Variants in PGAP1 observed in about 807,000 individuals in gnomAD.
The protein encoded by PGAP1 is GPI inositol-deacylase.
A neutral mutation model predicts 127.0 loss-of-function variants in PGAP1; 76 were observed. The ratio of observed to expected loss-of-function variants is 0.60; its 90% CI spans 0.50 to 0.72. The LOEUF (loss-of-function observed/expected upper bound fraction) is 0.72. Among genes scored for constraint, PGAP1 ranks in the 30% least tolerant of loss-of-function variants. PGAP1 has a pLI of 0.00. For synonymous variants in PGAP1, 362 were observed against 366.5 expected, an observed-to-expected ratio of 0.99 and a Z score of 0.14; for missense variants, 982 against 1,071.3, an observed-to-expected ratio of 0.92 and a Z score of 1.16.
At chr2:196,895,075 T>C (rs1039635030) in intron 7 of PGAP1, among the ~76,000 whole-genome samples, 9 of 152,228 alleles carry the variant, frequency 5.9e-5, no homozygotes, top group Non-Finnish European at 8.8e-5. Context: ...TATTTTCTAC[T>C]ATTTAGTCCA....
rs866554530 is a variant in PGAP1, at chr2:196,834,270, A to G, written c.*6964T>C. ...AAGTCTACTTTAATTCAAAATGAGA[A>G]CTCTGAAAATTAAGGGAGGCCTCTA... On this transcript the variant is annotated 3_prime_UTR_variant, in exon 27 of 27. Transcript: ENST00000354764. 1.8e-4 allele frequency: 27 copies of G among 152,190 alleles called. No homozygotes were observed. Among genetic ancestry groups the G allele is most frequent in the African/African-American group, 6.3e-4 (26 of 41,434 alleles). 9.4% of individuals were successfully genotyped at this position (152,190 alleles called of 1,614,324 possible).
intron 23 of PGAP1, 112 bp from the exon 24 acceptor site, chr2:196,844,686 C>T (rs1157915580): frequency 2.6e-4 from 175 of 676,554 alleles, no homozygotes; most frequent in Non-Finnish European, 7.2e-6. Flanking sequence ...AAAATGTAAA[C>T]CAAAAAGTCA....
intron 14 of PGAP1, 32 bp from the exon 15 acceptor site, chr2:196,873,790 A>G (rs199862168): frequency 2.8e-6 from 4 of 1,433,506 alleles, no homozygotes; most frequent in Non-Finnish European, 3.9e-6. Context: ...ATTACTTAGA[A>G]TATCAAGGAA....
In PGAP1 at chr2:196,834,240, A is replaced by T. The variant is rs993986834; in HGVS notation, c.*6994T>A. ...CAAACCTAATTTTCTACATCTATGT[A>T]GCGTAAGTCTACTTTAATTCAAAAT... On this transcript the variant is annotated 3_prime_UTR_variant, in exon 27 of 27. Transcript: ENST00000354764. The T allele has an allele frequency of 2.0e-5, 3 of 152,158 alleles. No individual in the cohort carries two copies. Among genetic ancestry groups the T allele is most frequent in the Non-Finnish European group, 4.4e-5 (3 of 67,940 alleles). 9.4% of individuals were successfully genotyped at this position (152,158 alleles called of 1,614,324 possible). A position where few individuals can be genotyped will look rare whatever the true frequency, so the allele number is the denominator to read the frequency against.
chr2:196,881,835 A>G (rs764426045), intron 12 of PGAP1, among the ~76,000 whole-genome samples: 1 of 152,202 alleles, frequency 6.6e-6, no homozygotes, highest in Non-Finnish European at 1.5e-5. Flanking sequence ...CTCTGTTGAT[A>G]GTTTCCTTTG....
rs1345152967 is a variant in PGAP1 at position 196,842,824 on chromosome 2, A to T, written c.2527T>A (p.Tyr843Asn). The change falls in exon 26 of 27, where the codon TAT becomes AAT. Residue 843 changes from tyrosine (Y) to asparagine (N), a missense_variant and splice_region_variant. Physicochemically the swap from Tyr to Asn is moderately radical, Grantham distance 143. Transcript: ENST00000354764. ...SLIYWLKNLR[Y>N]YFKLNPDPCK... ...GGATCAGGATTAAGTTTAAAATAAT[A>T]CCTATAATATTAAAAAAAGAAACCC... 7.0e-7 allele frequency: 1 copy of T among 1,428,108 alleles called. No homozygotes were observed. Among genetic ancestry groups the T allele is most frequent in the East Asian group, 2.3e-5 (1 of 42,776 alleles). 88.5% of individuals were successfully genotyped at this position (1,428,108 alleles called of 1,614,324 possible).
At position 196,863,427 on chromosome 2, in the gene PGAP1, G is replaced by T. The variant is rs145331501; in HGVS notation, c.1861+1560C>A. Among the ~76,000 whole-genome samples the T allele has an allele frequency of 4.1e-3, 622 of 152,240 alleles. 5 individuals are homozygous for T. Among genetic ancestry groups the T allele is most frequent in the Middle Eastern group, 6.8e-3 (2 of 294 alleles). ...AAATTCTATCATCTGCAGCAACATG[G>T]ATATAACTGAAGTACATTATGCTAA... On this transcript the variant is annotated intron_variant, in intron 20 of 26. Transcript: ENST00000354764.
At chr2:196,873,639 A>G in intron 15 of PGAP1, 46 bp downstream of exon 15, 1 of 1,589,116 alleles carries the variant, frequency 6.3e-7, no homozygotes, top group Non-Finnish European at 8.6e-7. Context: ...TAAAGTAAAC[A>G]TTAAAGTAAA....
intron 4 of PGAP1, among the ~76,000 whole-genome samples, chr2:196,904,704 G>A (rs113900879): frequency 0.1 from 15,448 of 152,000 alleles, 943 homozygotes; most frequent in African/African-American, 0.17. Flanking sequence ...CTCCAGCCTG[G>A]CAACAGAGCG....
intron 13 of PGAP1, among the ~76,000 whole-genome samples, chr2:196,876,752 C>G (rs1701581276): frequency 6.6e-6 from 1 of 152,032 alleles, no homozygotes; most frequent in South Asian, 2.1e-4. Context: ...AGCAGTGTTA[C>G]TTTGTTTGCC....
chr2:196,846,041 A>G, intron 22 of PGAP1, 24 bp from the exon 23 acceptor site: 1 of 1,397,478 alleles, frequency 7.2e-7, no homozygotes, highest in South Asian at 1.5e-5. Context: ...AATAAAGTTT[A>G]AAATATATAT....
chr2:196,890,816 C>A lies in PGAP1; in HGVS notation c.1173+12G>T. 2 of 1,460,220 alleles carry A rather than the reference C, an allele frequency of 1.4e-6. No homozygotes were observed. Among genetic ancestry groups the A allele is most frequent in the South Asian group, 1.2e-5 (1 of 85,168 alleles). 90.5% of individuals were successfully genotyped at this position (1,460,220 alleles called of 1,614,324 possible). A position where few individuals can be genotyped will look rare whatever the true frequency, so the allele number is the denominator to read the frequency against. Reference sequence around the variant, plus strand: ...CCTCTTAAATTTACATAAAATGTACCAATTATCTTACCAGCATAGTGCTCT... The same window carrying A: ...CCTCTTAAATTTACATAAAATGTACAAATTATCTTACCAGCATAGTGCTCT... On this transcript the variant is annotated intron_variant, in intron 10 of 26. Transcript: ENST00000354764.
intron 20 of PGAP1, among the ~76,000 whole-genome samples, chr2:196,862,783 T>A (rs1701110467): frequency 6.6e-6 from 1 of 152,226 alleles, no homozygotes; most frequent in Non-Finnish European, 1.5e-5. Context: ...CTGGGCATGG[T>A]GGCCCATGCC....
intron 26 of PGAP1, 150 bp from the exon 27 acceptor site, chr2:196,841,522 CT>C: frequency 4.5e-6 from 3 of 667,506 alleles, no homozygotes; most frequent in African/African-American, 1.9e-5. Flanking sequence ...TTCATAATTT[CT>C]TTTTTTATTT....
chr2:196,902,613 C>T lies in PGAP1; in HGVS notation c.779G>A (p.Ser260Asn). The T allele has an allele frequency of 1.2e-6, 2 of 1,613,120 alleles. No homozygotes were observed. The highest frequency in any genetic ancestry group is 8.5e-7 in the Non-Finnish European group (1 of 1,179,588). The change falls in exon 5 of 27, where the codon AGC becomes AAC. Residue 260 changes from serine to asparagine, a missense_variant. Transcript: ENST00000354764. Reference sequence around the variant, plus strand: ...AACAGATAAGGCACTGGTATGATGGCTTAATTTTGGTAGAAAAGTCAATCC... The same window carrying T: ...AACAGATAAGGCACTGGTATGATGGTTTAATTTTGGTAGAAAAGTCAATCC... ...RSGLTFLPKL[S>N]HHTSALSVVS...
intron 25 of PGAP1, 50 bp from the exon 26 acceptor site, chr2:196,842,875 TTAAATTATCAGAATC>T: frequency 1.2e-6 from 1 of 867,084 alleles, no homozygotes; most frequent in African/African-American, 1.8e-5. Flanking sequence ...CCTGATCATT[TTAAATTATCAGAATC>T]AAGAGGATAA....
intron 5 of PGAP1, 89 bp from the exon 6 acceptor site, chr2:196,898,458 C>CACATAAT (rs1428955093): frequency 2.4e-6 from 2 of 846,876 alleles, no homozygotes; most frequent in Non-Finnish European, 3.9e-6. Context: ...TATTTAGAAA[C>CACATAAT]ACATAATATA....
rs776971936 is a variant in PGAP1, at chr2:196,926,647, G to GCCC, written c.-34_-32dup. 1.2e-6 allele frequency: 2 copies of GCCC among 1,612,346 alleles called. No individual in the cohort carries two copies. Among genetic ancestry groups the GCCC allele is most frequent in the African/African-American group, 1.3e-5 (1 of 74,992 alleles). On this transcript the variant is annotated 5_prime_UTR_variant, in exon 1 of 27. Coordinates refer to ENST00000354764, the MANE Select transcript of PGAP1 (RefSeq NM_024989.4). Reference sequence around the variant, plus strand: ...CGCCACCACCGCCGCCGCCGCCGCCGCCCCCTCTACCTCCTTCTCCGCCGC... The same window carrying GCCC: ...CGCCACCACCGCCGCCGCCGCCGCCGCCCCCCCCTCTACCTCCTTCTCCGCCGC...
At position 196,862,972 on chromosome 2, in the gene PGAP1, A is replaced by G. The variant is rs767467483; in HGVS notation, c.1861+2015T>C. Among the ~76,000 whole-genome samples the G allele has an allele frequency of 3.6e-4, 55 of 152,224 alleles. 1 individual carries two copies. Among genetic ancestry groups the G allele is most frequent in the Admixed American group, 8.5e-4 (13 of 15,276 alleles). The stretch of plus-strand genomic sequence containing the variant: ...ACAGATGTATTTTTTTAAATGTTCA[A>G]CATCACTAATCACCAGTGAAATGTA... On this transcript the variant is annotated intron_variant, in intron 20 of 26. Coordinates refer to ENST00000354764, the MANE Select transcript of PGAP1 (RefSeq NM_024989.4).
Sources: allele counts gnomAD v4.1 joint callset (sites outside exome capture counted in the v4.1 genomes callset), GRCh38; gene constraint gnomAD v4.1.1; transcripts MANE v1.5; gene names NCBI Gene and HGNC (gene_info 2026-07-23, HGNC 2026-07-21).